Variants in FGF22 observed in about 807,000 individuals in gnomAD.
FGF22 encodes FGF-22.
In FGF22, 11 loss-of-function variants were observed where a neutral mutation model predicts 10.3. That is an observed-to-expected ratio of 1.07 (90% CI 0.67 to 1.77). The LOEUF (loss-of-function observed/expected upper bound fraction) is 1.77, where lower values mean the gene tolerates loss of function less well. Ranked by LOEUF, FGF22 falls within the 40% of genes most tolerant of loss-of-function variation. The pLI is 0.00. For synonymous variants in FGF22, 136 were observed against 122.1 expected, an observed-to-expected ratio of 1.11 and a Z score of -0.75; for missense variants, 317 against 273.2, an observed-to-expected ratio of 1.16 and a Z score of -1.13.
At position 641,645 on chromosome 19, in the gene FGF22, C is replaced by T. The variant is rs11572869; in HGVS notation, c.214+1506C>T. On this transcript the variant is annotated intron_variant, in intron 1 of 2. Transcript: ENST00000215530. ...GCAGGTGGGTGCGCAGAACAGTGAA[C>T]GGCGGTGTTGGGAGGCACCTTGCCA... The T allele has an allele frequency of 4.8e-3, 934 of 196,250 alleles. 4 individuals are homozygous for T. The highest frequency in any genetic ancestry group is 0.021 in the African/African-American group (897 of 42,884). 12.2% of individuals were successfully genotyped at this position (196,250 alleles called of 1,614,324 possible). A position where few individuals can be genotyped will look rare whatever the true frequency, so the allele number is the denominator to read the frequency against.
At chr19:642,819 C>G (rs1985947647) in intron 1 of FGF22, among the ~76,000 whole-genome samples, 1 of 149,714 alleles carries the variant, frequency 6.7e-6, no homozygotes, top group Non-Finnish European at 1.5e-5. Flanking sequence ...AACCCTTTCC[C>G]AACCTTCCTC....
Position 643,679 on chromosome 19 carries a change from C to A in FGF22, c.*75C>A, listed in dbSNP as rs1057450390. ...GGCCCGGCCACGCTTGTTCTTCCCC[C>A]TGCGGGCTCTGTAAGCGCTGAGTGC... On this transcript the variant is annotated 3_prime_UTR_variant, in exon 3 of 3. Transcript: ENST00000215530. 7.9e-6 allele frequency: 10 copies of A among 1,260,486 alleles called. No individual in the cohort carries two copies. In the African/African-American group the frequency reaches 1.1e-4, roughly 13 times the overall value. 78.1% of individuals were successfully genotyped at this position (1,260,486 alleles called of 1,614,324 possible). A position where few individuals can be genotyped will look rare whatever the true frequency, so the allele number is the denominator to read the frequency against.
At chr19:640,977 G>C (rs901319466) in intron 1 of FGF22, 11 of 356,724 alleles carry the variant, frequency 3.1e-5, no homozygotes, top group African/African-American at 8.5e-5. Flanking sequence ...GTCCATCCAT[G>C]GCGGGCATGG....
chr19:642,156 C>T (rs562953171), intron 1 of FGF22, among the ~76,000 whole-genome samples: 2 of 152,348 alleles, frequency 1.3e-5, no homozygotes, highest in Non-Finnish European at 2.9e-5. Context: ...GCCTCCAGTC[C>T]AGAGTCCCAG....
chr19:643,462 A>T (rs775856232), exon 3 of FGF22: 8 of 1,611,364 alleles, frequency 5.0e-6, no homozygotes. Context: ...GAGAACGGCC[A>T]CAACACCTAC....
chr19:640,355 G>A, intron 1 of FGF22: 1 of 374,902 alleles, frequency 2.7e-6, no homozygotes, highest in Non-Finnish European at 4.7e-6. Flanking sequence ...CCGGCTCAGG[G>A]GCAGAGAAGC....
At chr19:643,164 C>T (rs1380903909) in intron 1 of FGF22, 71 bp from the exon 2 acceptor site, 22 of 471,164 alleles carry the variant, frequency 4.7e-5, no homozygotes, top group African/African-American at 1.3e-4. Flanking sequence ...GGGCCCTGCA[C>T]GAAGCACAGC....
intron 1 of FGF22, chr19:640,811 G>A: frequency 4.5e-6 from 1 of 221,494 alleles, no homozygotes; most frequent in Non-Finnish European, 9.4e-6. Context: ...CCGGGCGGGG[G>A]GCACTGGGAA....
At chr19:641,157 C>T in intron 1 of FGF22, 1 of 456,482 alleles carries the variant, frequency 2.2e-6, no homozygotes, top group South Asian at 1.5e-5. Context: ...AATCGGGCAC[C>T]TTGTGGGTGC....
Position 643,495 on chromosome 19 carries a change from GC to G in FGF22, c.405del (p.Gly136AlafsTer89). 6.2e-7 allele frequency: 1 copy of G among 1,610,844 alleles called. No homozygotes were observed. On this transcript the variant is annotated frameshift_variant, in exon 3 of 3. Coordinates refer to ENST00000215530, the Ensembl canonical transcript of FGF22. LOFTEE classifies it low-confidence loss of function (END_TRUNC). ...TACGCCTCACAGCGCTGGCGCCGCC[GC>G]GGCCAGCCCATGTTCCTGGCGCTGG...
exon 3 of FGF22, chr19:643,677 C>G (rs1449082197): frequency 1.6e-6 from 2 of 1,275,562 alleles, no homozygotes; most frequent in African/African-American, 3.0e-5. Flanking sequence ...TTGTTCTTCC[C>G]CCTGCGGGCT....
chr19:643,813 G>A (rs1985996606), exon 3 of FGF22: 2 of 571,944 alleles, frequency 3.5e-6, no homozygotes, highest in Non-Finnish European at 3.1e-6. Flanking sequence ...GGGACCTCGA[G>A]GACCCAACAG....
At chr19:643,571 G>T in exon 3 of FGF22, 1 of 1,569,802 alleles carries the variant, frequency 6.4e-7, no homozygotes, top group Non-Finnish European at 8.6e-7. Flanking sequence ...GGTACCACCT[G>T]TCCGCCCACT....
intron 1 of FGF22, chr19:640,462 G>T: frequency 4.1e-6 from 1 of 243,550 alleles, no homozygotes; most frequent in East Asian, 7.4e-5. Context: ...CATGGCGGAA[G>T]CGGCGGGGGG....
At chr19:642,208 T>G (rs1985923793) in intron 1 of FGF22, among the ~76,000 whole-genome samples, 1 of 140,430 alleles carries the variant, frequency 7.1e-6, no homozygotes, top group East Asian at 2.2e-4. Context: ...GCAGCTGAGC[T>G]GTGAGGGCCG....
In FGF22 at chr19:640,034, G is replaced by T; in HGVS notation, c.109G>T (p.Glu37Ter). 7.1e-7 allele frequency: 1 copy of T among 1,403,440 alleles called. No homozygotes were observed. Among genetic ancestry groups the T allele is most frequent in the Non-Finnish European group, 9.3e-7 (1 of 1,078,374 alleles). The allele number at this position is 1,403,440 out of a possible 1,614,324, so 86.9% of individuals were successfully genotyped here. A position where few individuals can be genotyped will look rare whatever the true frequency, so the allele number is the denominator to read the frequency against. The change falls in exon 1 of 3, where the codon GAG (glutamate) becomes TAG (stop). Residue 37 changes from glutamate to a stop codon, truncating the protein, a stop_gained. Coordinates refer to ENST00000215530, the Ensembl canonical transcript of FGF22. LOFTEE classifies it high-confidence loss of function. ...GGGACCGCGCAGCTACCCGCACCTG[G>T]AGGGCGACGTGCGCTGGCGGCGCCT...
At chr19:641,101 G>A in intron 1 of FGF22, 1 of 448,178 alleles carries the variant, frequency 2.2e-6, no homozygotes, top group East Asian at 7.0e-5. Flanking sequence ...ATGGGGGTGA[G>A]GGCTAGCTGA....
intron 1 of FGF22, among the ~76,000 whole-genome samples, chr19:641,930 GAC>G (rs1985914923): frequency 1.3e-5 from 2 of 152,268 alleles, no homozygotes; most frequent in Admixed American, 1.3e-4. Context: ...TGCTGGACAA[GAC>G]ACTTCAGCTC....
chr19:643,674 TC>T (rs905749955), exon 3 of FGF22: 13 of 1,287,164 alleles, frequency 1.0e-5, no homozygotes, highest in African/African-American at 1.5e-5. Context: ...CGCTTGTTCT[TC>T]CCCCTGCGGG....
Sources: gnomAD v4.1 joint callset for allele counts (sites outside exome capture counted in the v4.1 genomes callset) on GRCh38, gnomAD v4.1.1 for gene constraint, MANE v1.5 for transcripts, NCBI Gene and HGNC (gene_info 2026-07-23, HGNC 2026-07-21) for gene names.